Variants in SIRT7 observed in about 807,000 individuals in gnomAD.
SIRT7 encodes the protein sirtuin 7.
SIRT7 carries 32 observed loss-of-function variants against 42.8 expected under a neutral mutation model. That is an observed-to-expected ratio of 0.75 (90% CI 0.56 to 1.00). The LOEUF (loss-of-function observed/expected upper bound fraction) is 1.00. SIRT7 is among the 50% of genes least tolerant of loss of function. The pLI, the probability that SIRT7 is intolerant of heterozygous loss-of-function variation, is 0.00. For missense variants in SIRT7, 553 were observed against 572.2 expected, an observed-to-expected ratio of 0.97 and a Z score of 0.34; for synonymous variants, 297 against 245.2, an observed-to-expected ratio of 1.21 and a Z score of -1.97.
chr17:81,914,771 C>A, intron 5 of SIRT7, 69 bp from the exon 6 acceptor site: 1 of 1,305,822 alleles, frequency 7.7e-7, no homozygotes, highest in Non-Finnish European at 1.1e-6. Flanking sequence ...AGTACCCGGC[C>A]ACAGCGAGGC....
At chr17:81,915,585 T>C (rs765721172) in intron 4 of SIRT7, 26 bp downstream of exon 4, 1 of 1,613,528 alleles carries the variant, frequency 6.2e-7, no homozygotes, top group South Asian at 1.1e-5. Context: ...CCAGCCTATG[T>C]GGGAGGCCAT....
At position 81,913,731 on chromosome 17, in the gene SIRT7, C is replaced by A; in HGVS notation, c.1004+43G>T. 1.3e-6 allele frequency: 2 copies of A among 1,491,886 alleles called. No homozygotes were observed. Among genetic ancestry groups the A allele is most frequent in the Non-Finnish European group, 1.8e-6 (2 of 1,095,684 alleles). 92.4% of individuals were successfully genotyped at this position (1,491,886 alleles called of 1,614,324 possible). The stretch of plus-strand genomic sequence containing the variant: ...GAGAGAAGACAGACAAGGCCCAGCA[C>A]ACAGAGGTGCGGGGAAGCAGGCTGC... On this transcript the variant is annotated intron_variant, in intron 9 of 9. Coordinates refer to ENST00000328666, the MANE Select transcript of SIRT7 (RefSeq NM_016538.3). The surrounding 1 kb of genome is among the most constrained non-coding windows in gnomAD (Gnocchi z 5.0).
In SIRT7 at chr17:81,912,310, GTCATCCCCAAAGAGTTCGTTCTCCCTAGA is replaced by G; in HGVS notation, c.*77_*105del. The G allele has an allele frequency of 7.2e-7, 1 of 1,384,986 alleles. No homozygotes were observed. The highest frequency in any genetic ancestry group is 1.0e-6 in the Non-Finnish European group (1 of 977,118). The allele number at this position is 1,384,986 out of a possible 1,614,324, so 85.8% of individuals were successfully genotyped here. On this transcript the variant is annotated 3_prime_UTR_variant, in exon 10 of 10. Transcript: ENST00000328666. Reference sequence around the variant, plus strand: ...TGGCTAAAAATGTCACGGTGAAAATGTCATCCCCAAAGAGTTCGTTCTCCCTAGACCCGTGGGGGCAACCCAGCCTTCAC... The same window carrying G: ...TGGCTAAAAATGTCACGGTGAAAATGCCCGTGGGGGCAACCCAGCCTTCAC...
At position 81,918,058 on chromosome 17, in the gene SIRT7, T is replaced by C. The variant is rs1598345031; in HGVS notation, c.74A>G (p.Gln25Arg). 5.2e-6 allele frequency: 8 copies of C among 1,539,616 alleles called. No individual in the cohort carries two copies. Among genetic ancestry groups the C allele is most frequent in the Non-Finnish European group, 6.9e-6 (8 of 1,154,032 alleles). Residue 25 changes from glutamine (Q) to arginine (R), a missense_variant, in exon 1 of 10, where the codon CAG becomes CGG. Gln to Arg is a conservative substitution (Grantham distance 43, BLOSUM62 1). Transcript: ENST00000328666. ...GCGTACCTGGCGGAGGCGCTCCCTC[T>C]GCTGCTCCTCCCGCAACCTCCGGAC... The part of the protein sequence containing the change: ...ERVRRLREEQ[Q>R]RERLRQVSRI...
At position 81,914,646 on chromosome 17, in the gene SIRT7, C is replaced by T. The variant is rs927095991; in HGVS notation, c.537G>A (p.Pro179=). The stretch of plus-strand genomic sequence containing the variant: ...CGTGGAGCTCGGAGATGGCCGTGCG[C>T]GGCAGCCCACTCCTCAGGTGGAGCC... ...CDGLHLRSGL[P]RTAISELHGN... is the part of the protein sequence containing the mutation. Residue 179 remains proline (P), a synonymous_variant, in exon 6 of 10, where the codon CCG becomes CCA. Coordinates refer to ENST00000328666, the MANE Select transcript of SIRT7 (RefSeq NM_016538.3). The T allele has an allele frequency of 7.4e-6, 12 of 1,612,976 alleles. No homozygotes were observed. Among genetic ancestry groups the T allele is most frequent in the Admixed American group, 1.7e-5 (1 of 60,004 alleles).
Position 81,913,836 on chromosome 17 carries a change from C to A in SIRT7, c.942G>T (p.Lys314Asn). 6.4e-7 allele frequency: 1 copy of A among 1,550,806 alleles called. No individual in the cohort carries two copies. Among genetic ancestry groups the A allele is most frequent in the Non-Finnish European group, 8.7e-7 (1 of 1,147,666 alleles). Residue 314 changes from lysine to asparagine, a missense_variant, in exon 9 of 10, where the codon AAG (lysine) becomes AAT (asparagine). Physicochemically the swap from Lys to Asn is moderately conservative, Grantham distance 94 (BLOSUM62 0). Coordinates refer to ENST00000328666, the MANE Select transcript of SIRT7 (RefSeq NM_016538.3). The surrounding 1 kb of genome is among the most constrained non-coding windows in gnomAD (Gnocchi z 5.0). The stretch of plus-strand genomic sequence containing the variant: ...TGAGGAGCCGCATGACGTCATCACA[C>A]TTCCCATGTAGCTTCAGGGCAGCCC... Reference protein sequence around the residue: ...DDWAALKLHGKCDDVMRLLMA... With the variant: ...DDWAALKLHGNCDDVMRLLMA...
In SIRT7 at chr17:81,915,495, T is replaced by C. The variant is rs1312225068; in HGVS notation, c.425A>G (p.Glu142Gly). 1 of 1,613,696 alleles carries C rather than the reference T, an allele frequency of 6.2e-7. No individual in the cohort carries two copies. The highest frequency in any genetic ancestry group is 1.3e-5 in the African/African-American group (1 of 75,044). The part of the protein sequence containing the change: ...GRSVSAADLS[E>G]AEPTLTHMSI... Reference sequence around the variant, plus strand: ...CATGTGGGTGAGGGTTGGCTCGGCCTCGCTCAGGTCGGCAGCACTGCCAGG... The same window carrying C: ...CATGTGGGTGAGGGTTGGCTCGGCCCCGCTCAGGTCGGCAGCACTGCCAGG... The change falls in exon 5 of 10, where the codon GAG (glutamate) becomes GGG (glycine). Residue 142 changes from glutamate to glycine, a missense_variant. Glu to Gly is a moderately conservative substitution (Grantham distance 98). Transcript: ENST00000328666.
At chr17:81,914,832 C>A (rs983127180) in intron 5 of SIRT7, 130 bp from the exon 6 acceptor site, 4 of 709,090 alleles carry the variant, frequency 5.6e-6, no homozygotes, top group Non-Finnish European at 9.8e-6. Flanking sequence ...CTCCGTCCCC[C>A]CAGAGAGCCT....
chr17:81,917,845 C>G lies in SIRT7; in HGVS notation c.216G>C (p.Lys72Asn). Residue 72 changes from lysine (K) to asparagine (N), a missense_variant, in exon 2 of 10, where the codon AAG becomes AAC. Coordinates refer to ENST00000328666, the MANE Select transcript of SIRT7 (RefSeq NM_016538.3). ...CGGAACTCGCCTCCTCCTGCCGCCG[C>G]TTCAGGCCCTCGCGCCGCCGGCTCC... is the stretch of plus-strand genomic sequence containing the variant. ...QGRSRRREGL[K>N]RRQEEVCDDP... 7.6e-6 allele frequency: 11 copies of G among 1,439,368 alleles called. No homozygotes were observed. Among genetic ancestry groups the G allele is most frequent in the Non-Finnish European group, 6.4e-6 (7 of 1,100,610 alleles). The allele number at this position is 1,439,368 out of a possible 1,614,324, so 89.2% of individuals were successfully genotyped here. A position where few individuals can be genotyped will look rare whatever the true frequency, so the allele number is the denominator to read the frequency against.
intron 5 of SIRT7, 116 bp downstream of exon 5, chr17:81,915,324 G>A: frequency 8.5e-7 from 1 of 1,183,254 alleles, no homozygotes. Context: ...CGCTTGGTGG[G>A]TGCTCATCAT....
chr17:81,913,202 C>G lies in SIRT7; in HGVS notation c.1004+572G>C. 2.2e-6 allele frequency: 1 copy of G among 449,484 alleles called. No individual in the cohort carries two copies. The highest frequency in any genetic ancestry group is 4.5e-6 in the Non-Finnish European group (1 of 224,620). The allele number at this position is 449,484 out of a possible 1,614,324, so 27.8% of individuals were successfully genotyped here. On this transcript the variant is annotated intron_variant, in intron 9 of 9. Transcript: ENST00000328666. The surrounding 1 kb of genome is among the most constrained non-coding windows in gnomAD (Gnocchi z 5.0). ...ACATCACAGAACACCACACACATAA[C>G]ATACAAGAAGTGCCAGGCCCAGAAG...
At position 81,915,635 on chromosome 17, in the gene SIRT7, A is replaced by T; in HGVS notation, c.383T>A (p.Leu128Gln). 1 of 1,613,972 alleles carries T rather than the reference A, an allele frequency of 6.2e-7. No homozygotes were observed. Among genetic ancestry groups the T allele is most frequent in the Non-Finnish European group, 8.5e-7 (1 of 1,180,002 alleles). The change falls in exon 4 of 10, where the codon CTG (leucine) becomes CAG (glutamine). Residue 128 changes from leucine (L) to glutamine (Q), a missense_variant. Leu to Gln is a moderately radical substitution (Grantham distance 113). Transcript: ENST00000328666. ...CCTAACGCTTCTCCCTTTCTGAAGC[A>T]GTGTCCACACTCCATTAGGGCCCCG... ...DYRGPNGVWT[L>Q]LQKGRSVSAA...
chr17:81,915,290 G>A, intron 5 of SIRT7, 150 bp downstream of exon 5: 2 of 777,456 alleles, frequency 2.6e-6, no homozygotes, highest in Non-Finnish European at 4.2e-6. Flanking sequence ...TCAAGCACAG[G>A]AGGATCAAAC....
rs1338176846 is a variant in SIRT7, at chr17:81,914,623, T to C, written c.560A>G (p.His187Arg). Residue 187 changes from histidine to arginine, a missense_variant, in exon 6 of 10, where the codon CAC becomes CGC. Transcript: ENST00000328666. The part of the protein sequence containing the change: ...GLPRTAISEL[H>R]GNMYIEVCTS... ...GCTCACTTCAATGTACATGTTCCCG[T>C]GGAGCTCGGAGATGGCCGTGCGCGG... 18 of 1,613,000 alleles carry C rather than the reference T, an allele frequency of 1.1e-5. No individual in the cohort carries two copies. The highest frequency in any genetic ancestry group is 1.4e-5 in the Non-Finnish European group (17 of 1,179,998).
Position 81,913,406 on chromosome 17 carries a change from C to T in SIRT7, c.1004+368G>A, listed in dbSNP as rs1162232820. 7 of 448,940 alleles carry T rather than the reference C, an allele frequency of 1.6e-5. No individual in the cohort carries two copies. The highest frequency in any genetic ancestry group is 5.0e-5 in the South Asian group (3 of 60,424). 27.8% of individuals were successfully genotyped at this position (448,940 alleles called of 1,614,324 possible). Reference sequence around the variant, plus strand: ...AGTTTGTTTAAGCTTTCCCAAAGTACGCCAACTCCCAAAACCAAGCACACA... The same window carrying T: ...AGTTTGTTTAAGCTTTCCCAAAGTATGCCAACTCCCAAAACCAAGCACACA... On this transcript the variant is annotated intron_variant, in intron 9 of 9. Coordinates refer to ENST00000328666, the MANE Select transcript of SIRT7 (RefSeq NM_016538.3). The surrounding 1 kb of genome is among the most constrained non-coding windows in gnomAD (Gnocchi z 5.0).
At chr17:81,915,545 A>C in intron 4 of SIRT7, 33 bp from the exon 5 acceptor site, 1 of 1,613,318 alleles carries the variant, frequency 6.2e-7, no homozygotes, top group Non-Finnish European at 8.5e-7. Flanking sequence ...AGGTGAGGAG[A>C]GCTGGAGCTC....
rs2040682043 is a variant in SIRT7 at position 81,912,300 on chromosome 17, C to T, written c.*116G>A. 2 of 1,320,244 alleles carry T rather than the reference C, an allele frequency of 1.5e-6. No homozygotes were observed. Among genetic ancestry groups the T allele is most frequent in the Non-Finnish European group, 2.2e-6 (2 of 922,180 alleles). 81.8% of individuals were successfully genotyped at this position (1,320,244 alleles called of 1,614,324 possible). A position where few individuals can be genotyped will look rare whatever the true frequency, so the allele number is the denominator to read the frequency against. On this transcript the variant is annotated 3_prime_UTR_variant, in exon 10 of 10. Coordinates refer to ENST00000328666, the MANE Select transcript of SIRT7 (RefSeq NM_016538.3). ...CAAGGACAAATGGCTAAAAATGTCA[C>T]GGTGAAAATGTCATCCCCAAAGAGT...
rs367621203 is a variant in SIRT7, at chr17:81,912,495, G to A, written c.1124C>T (p.Pro375Leu). The change falls in exon 10 of 10, where the codon CCG becomes CTG. Residue 375 changes from proline (P) to leucine (L), a missense_variant. Pro to Leu is a moderately conservative substitution (Grantham distance 98). Transcript: ENST00000328666. ...CCCTAGGATGGGGGCCGAGCTAAGCGGTGCACCCCGGTCCCCAGGCGGGGC... is the reference window on the plus strand; with the variant it reads ...CCCTAGGATGGGGGCCGAGCTAAGCAGTGCACCCCGGTCCCCAGGCGGGGC... Reference protein sequence around the residue: ...EEAPPGDRGAPLSSAPILGGW... With the variant: ...EEAPPGDRGALLSSAPILGGW... 2.9e-5 allele frequency: 47 copies of A among 1,613,798 alleles called. No homozygotes were observed. The highest frequency in any genetic ancestry group is 3.4e-5 in the Non-Finnish European group (40 of 1,180,004).
rs751899211 is a variant in SIRT7 at position 81,914,592 on chromosome 17, A to G, written c.579+12T>C. 1 of 1,613,092 alleles carries G rather than the reference A, an allele frequency of 6.2e-7. No individual in the cohort carries two copies. Among genetic ancestry groups the G allele is most frequent in the Non-Finnish European group, 8.5e-7 (1 of 1,179,880 alleles). On this transcript the variant is annotated intron_variant, in intron 6 of 9. Transcript: ENST00000328666. ...GCCCATGGAGACCCTGGGTCCCTGC[A>G]GGACTGCTCACTTCAATGTACATGT...
Sources: allele counts gnomAD v4.1 joint callset, GRCh38; gene constraint gnomAD v4.1.1; non-coding constraint Gnocchi (gnomAD v3.1); transcripts MANE v1.5; gene names NCBI Gene and HGNC (gene_info 2026-07-23, HGNC 2026-07-21).